Variants in MICALL2 observed in about 807,000 individuals in gnomAD.
MICALL2 encodes the protein MICAL-like protein 2.
MICALL2 carries 111 observed loss-of-function variants against 91.1 expected under a neutral mutation model. That is an observed-to-expected ratio of 1.22 (90% CI 1.04 to 1.43). The LOEUF (loss-of-function observed/expected upper bound fraction) is 1.43, where lower values mean the gene tolerates loss of function less well. Among genes scored for constraint, MICALL2 ranks in the 40% most tolerant of loss-of-function variants. The probability of loss-of-function intolerance (pLI) is 0.00; values close to 1 mark genes in which losing one functional copy is unlikely to be tolerated. For missense variants in MICALL2, 1,556 were observed against 1,236.0 expected, an observed-to-expected ratio of 1.26 and a Z score of -3.88; for synonymous variants, 694 against 525.3, an observed-to-expected ratio of 1.32 and a Z score of -4.39.
rs944038509 is a variant in MICALL2, at chr7:1,446,775, C to A, written c.579G>T (p.Lys193Asn). ...GGTGCCGCTGTACCAGGTGCACGTG[C>A]TTGCCGCAGACCCCGCAGGTGCTGC... ...LVSSTCGVCG[K>N]HVHLVQRHLA... The change falls in exon 5 of 17, where the codon AAG becomes AAT. Residue 193 changes from lysine (K) to asparagine (N), a missense_variant. By Grantham distance (94) the Lys-to-Asn change is moderately conservative (BLOSUM62 0). Transcript: ENST00000297508. 3.1e-6 allele frequency: 5 copies of A among 1,608,196 alleles called. No individual in the cohort carries two copies. The African/African-American group carries it at 5.4e-5, about 17-fold the overall frequency.
At chr7:1,442,552 GC>G (rs1780353969) in intron 6 of MICALL2, 68 bp from the exon 7 acceptor site, 7 of 1,429,308 alleles carry the variant, frequency 4.9e-6, no homozygotes, top group Middle Eastern at 1.9e-4. Flanking sequence ...ACCCGAGGCC[GC>G]CCCTCTGCCT....
Position 1,445,061 on chromosome 7 carries a change from G to C in MICALL2, c.1009C>G (p.Arg337Gly). The C allele has an allele frequency of 6.5e-7, 1 of 1,548,372 alleles. No homozygotes were observed. The highest frequency in any genetic ancestry group is 8.7e-7 in the Non-Finnish European group (1 of 1,146,478). ...LAPTPTEGKV[R>G]PRVTNSSPMG... The stretch of plus-strand genomic sequence containing the variant: ...GGGGAGCTATTGGTCACACGAGGGC[G>C]GACTTTCCCCTCCGTGGGAGTGGGG... Residue 337 changes from arginine (R) to glycine (G), a missense_variant, in exon 6 of 17, where the codon CGC (arginine) becomes GGC (glycine). By Grantham distance (125) the Arg-to-Gly change is moderately radical (BLOSUM62 -2). Coordinates refer to ENST00000297508, the MANE Select transcript of MICALL2 (RefSeq NM_182924.4).
In MICALL2 at chr7:1,447,701, C is replaced by T. The variant is rs757428328; in HGVS notation, c.399G>A (p.Lys133=). ...EDSEEEPSGK[K]APVQAAKLPS... ...GCAGCTTGGCCGCCTGGACTGGAGC[C>T]TTCTTCCCTGACGGCTCCTCCTCAG... Residue 133 remains lysine, a synonymous_variant, in exon 4 of 17, where the codon AAG becomes AAA. Transcript: ENST00000297508. 2 of 1,579,566 alleles carry T rather than the reference C, an allele frequency of 1.3e-6. No homozygotes were observed. Among genetic ancestry groups the T allele is most frequent in the Non-Finnish European group, 1.7e-6 (2 of 1,163,612 alleles).
chr7:1,459,353 G>C lies in MICALL2; in HGVS notation c.-27C>G. The C allele has an allele frequency of 6.9e-7, 1 of 1,442,384 alleles. No homozygotes were observed. The highest frequency in any genetic ancestry group is 9.1e-7 in the Non-Finnish European group (1 of 1,092,968). 89.3% of individuals were successfully genotyped at this position (1,442,384 alleles called of 1,614,324 possible). A position where few individuals can be genotyped will look rare whatever the true frequency, so the allele number is the denominator to read the frequency against. On this transcript the variant is annotated 5_prime_UTR_variant, in exon 1 of 17. Transcript: ENST00000297508. The stretch of plus-strand genomic sequence containing the variant: ...TGGGCGGCGCGCCCGCCGCGCGGCG[G>C]AACCGCCCTCCGACACCTTCCCGCG...
Position 1,435,157 on chromosome 7 carries a change from G to A in MICALL2, c.2592-10C>T. On this transcript the variant is annotated splice_polypyrimidine_tract_variant and intron_variant, in intron 15 of 16. Transcript: ENST00000297508. ...ATCCTCCTCTTGTTCCCTGAAACGG[G>A]ACCAGATGGCCATGAGCGACAATGG... 2.5e-6 allele frequency: 4 copies of A among 1,613,426 alleles called. No homozygotes were observed. Among genetic ancestry groups the A allele is most frequent in the Non-Finnish European group, 3.4e-6 (4 of 1,179,948 alleles).
chr7:1,438,444 A>T, intron 10 of MICALL2, 91 bp from the exon 11 acceptor site: 1 of 1,520,260 alleles, frequency 6.6e-7, no homozygotes, highest in Non-Finnish European at 8.9e-7. Flanking sequence ...ACCTCAGCAC[A>T]GCACAGCTGG....
At chr7:1,453,163 C>G (rs921150871) in intron 1 of MICALL2, among the ~76,000 whole-genome samples, 1 of 152,090 alleles carries the variant, frequency 6.6e-6, no homozygotes, top group Non-Finnish European at 1.5e-5. Flanking sequence ...AAGAAAATGA[C>G]ACATTGGAGC....
chr7:1,445,623 G>A (rs968664431), intron 5 of MICALL2, among the ~76,000 whole-genome samples, 195 bp from the exon 6 acceptor site: 3 of 151,440 alleles, frequency 2.0e-5, no homozygotes, highest in Non-Finnish European at 4.4e-5. Flanking sequence ...TCACGAGGTC[G>A]CTGATTCATT....
intron 1 of MICALL2, among the ~76,000 whole-genome samples, chr7:1,456,401 C>CCCCGTCTCTAGAAAAAAT: frequency 6.6e-6 from 1 of 152,274 alleles, no homozygotes; most frequent in South Asian, 2.1e-4. Flanking sequence ...GCCTGGCCAA[C>CCCCGTCTCTAGAAAAAAT]ATGGCAAAAC....
At chr7:1,440,705 C>T (rs1441489359) in intron 7 of MICALL2, 21 bp from the exon 8 acceptor site, 1 of 1,602,266 alleles carries the variant, frequency 6.2e-7, no homozygotes, top group Admixed American at 1.7e-5. Flanking sequence ...GGCAAGGGGT[C>T]TGGGTGTGAG....
chr7:1,436,197 C>T (rs937149870), intron 15 of MICALL2, among the ~76,000 whole-genome samples: 2 of 151,978 alleles, frequency 1.3e-5, no homozygotes, highest in Admixed American at 6.6e-5. Flanking sequence ...CAAGACCAGC[C>T]TAGCCAACAT....
Position 1,452,138 on chromosome 7 carries a change from C to A in MICALL2, c.144-1850G>T, listed in dbSNP as rs1239350715. 6.6e-6 allele frequency among the ~76,000 whole-genome samples: 1 copy of A among 152,206 alleles called. No homozygotes were observed. The highest frequency in any genetic ancestry group is 6.5e-5 in the Admixed American group (1 of 15,294). On this transcript the variant is annotated intron_variant, in intron 1 of 16. Transcript: ENST00000297508. The surrounding 1 kb of genome is among the most constrained non-coding windows in gnomAD (Gnocchi z 6.2). ...CCCCTCCCAGGTAACAGGTTTCAGACGGCAGGACCACCCGTCTGCACAGGC... is the reference window on the plus strand; with the variant it reads ...CCCCTCCCAGGTAACAGGTTTCAGAAGGCAGGACCACCCGTCTGCACAGGC...
At chr7:1,449,118 C>G (rs1404893411) in intron 2 of MICALL2, among the ~76,000 whole-genome samples, 3 of 152,208 alleles carry the variant, frequency 2.0e-5, no homozygotes, top group Non-Finnish European at 4.4e-5. Context: ...CATTGCTGAG[C>G]CCTCCCCGGG....
intron 15 of MICALL2, among the ~76,000 whole-genome samples, chr7:1,436,235 CA>C (rs1408922258): frequency 1.3e-5 from 2 of 151,276 alleles, no homozygotes; most frequent in African/African-American, 4.9e-5. Flanking sequence ...ACCAAAAATA[CA>C]AAAAATTAGC....
chr7:1,449,555 G>A (rs1244472655), intron 2 of MICALL2, among the ~76,000 whole-genome samples: 2 of 152,272 alleles, frequency 1.3e-5, no homozygotes, highest in Non-Finnish European at 2.9e-5. Context: ...TAAAGCTTAA[G>A]TTCAAATTGT....
Position 1,437,960 on chromosome 7 carries a change from T to C in MICALL2, c.2332A>G (p.Met778Val), listed in dbSNP as rs1475048759. The change falls in exon 13 of 17, where the codon ATG becomes GTG. Residue 778 changes from methionine (M) to valine (V), a missense_variant. By Grantham distance (21) the Met-to-Val change is conservative. Transcript: ENST00000297508. Reference sequence around the variant, plus strand: ...TGAATGAGCCAGAACCAGTCCACCATGAGGCTATCCTCAGCGTCATCTGGG... The same window carrying C: ...TGAATGAGCCAGAACCAGTCCACCACGAGGCTATCCTCAGCGTCATCTGGG... Reference protein sequence around the residue: ...AEGDDAEDSLMVDWFWLIHEK... With the variant: ...AEGDDAEDSLVVDWFWLIHEK... 2 of 1,550,040 alleles carry C rather than the reference T, an allele frequency of 1.3e-6. No homozygotes were observed. Among genetic ancestry groups the C allele is most frequent in the Non-Finnish European group, 8.7e-7 (1 of 1,147,110 alleles).
chr7:1,450,489 CGT>C (rs1562465964), intron 1 of MICALL2: 3 of 584,036 alleles, frequency 5.1e-6, no homozygotes, highest in Non-Finnish European at 9.4e-6. Flanking sequence ...CTGCTGGGAC[CGT>C]AGTACGACAT....
rs1282726878 is a variant in MICALL2, at chr7:1,442,184, T to G, written c.1711+8A>C. 3 of 1,611,650 alleles carry G rather than the reference T, an allele frequency of 1.9e-6. No individual in the cohort carries two copies. The highest frequency in any genetic ancestry group is 2.5e-6 in the Non-Finnish European group (3 of 1,179,710). ...CCGGGGCCTCCTGCCTCCCAGCCCC[T>G]TACTCACCCTGCGTTAAGGTGGTGC... is the stretch of plus-strand genomic sequence containing the variant. On this transcript the variant is annotated splice_region_variant and intron_variant, in intron 7 of 16. Transcript: ENST00000297508.
rs749619447 is a variant in MICALL2, at chr7:1,440,656, C to T, written c.1740G>A (p.Gln580=). The change falls in exon 8 of 17, where the codon CAG becomes CAA. Residue 580 remains glutamine, a synonymous_variant. Transcript: ENST00000297508. ...CTCTCCATCCTGCCGGCCCGTCCTC[C>T]TGGCCTTCCTGGAGGCTGGTGCTCA... ...QDMSTSLQEG[Q]EDGPAGWRAN... 6.2e-7 allele frequency: 1 copy of T among 1,612,484 alleles called. No homozygotes were observed. Among genetic ancestry groups the T allele is most frequent in the South Asian group, 1.1e-5 (1 of 91,066 alleles).
Sources: gnomAD v4.1 joint callset for allele counts (sites outside exome capture counted in the v4.1 genomes callset) on GRCh38, gnomAD v4.1.1 for gene constraint, Gnocchi (gnomAD v3.1) non-coding constraint, MANE v1.5 for transcripts, NCBI Gene and HGNC (gene_info 2026-07-23, HGNC 2026-07-21) for gene names.